The following ZNF567 variants were observed in gnomAD, a reference collection of about 807,000 sequenced individuals.
The protein encoded by ZNF567 is zinc finger protein 567.
A neutral mutation model predicts 53.9 loss-of-function variants in ZNF567; 36 were observed. The ratio of observed to expected loss-of-function variants is 0.67; its 90% confidence interval spans 0.51 to 0.88. The LOEUF (loss-of-function observed/expected upper bound fraction) is 0.88, where lower values mean the gene tolerates loss of function less well. Ranked by LOEUF, ZNF567 falls within the 40% of genes least tolerant of loss-of-function variation. ZNF567 has a pLI of 0.00. For synonymous variants in ZNF567, 224 were observed against 260.4 expected (o/e 0.86, Z 1.35); for missense variants, 619 against 764.7 (o/e 0.81, Z 2.25).
downstream of ZNF567, among the ~76,000 whole-genome samples, chr19:36,726,028 G>C (rs1195310373): frequency 6.6e-6 from 1 of 151,924 alleles, no homozygotes; most frequent in African/African-American, 2.4e-5. Context: ...CTATTGTTCT[G>C]TACTGCAGTT....
intron 3 of ZNF567, among the ~76,000 whole-genome samples, chr19:36,695,513 AGT>A (rs2038839281): frequency 6.6e-6 from 1 of 152,036 alleles, no homozygotes. Flanking sequence ...TGGGTGTCAA[AGT>A]GAGACTCTAT....
At chr19:36,667,916 T>G in the ZNF567 span, among the ~76,000 whole-genome samples, 1 of 151,790 alleles carries the variant, frequency 6.6e-6, no homozygotes, top group Non-Finnish European at 1.5e-5. Context: ...CCCAAAGTGC[T>G]GGATTACAGG....
chr19:36,672,859 G>A, the ZNF567 span, among the ~76,000 whole-genome samples: 3 of 152,174 alleles, frequency 2.0e-5, no homozygotes, highest in African/African-American at 4.8e-5. Context: ...TGAGGAGCTC[G>A]CTTGCTGAGG....
intron 3 of ZNF567, among the ~76,000 whole-genome samples, chr19:36,707,820 C>G (rs1173721863): frequency 6.6e-6 from 1 of 152,198 alleles, no homozygotes; most frequent in Non-Finnish European, 1.5e-5. Context: ...CTCAGGTGAT[C>G]TGCCTGCCTA....
chr19:36,673,999 A>G, the ZNF567 span, among the ~76,000 whole-genome samples: 1 of 152,214 alleles, frequency 6.6e-6, no homozygotes, highest in Non-Finnish European at 1.5e-5. Flanking sequence ...CCCGCTTCAC[A>G]AAGCCATTCC....
the ZNF567 span, among the ~76,000 whole-genome samples, chr19:36,672,689 G>A: frequency 7.2e-5 from 11 of 152,192 alleles, no homozygotes; most frequent in African/African-American, 2.4e-4. Flanking sequence ...ACATTGGATT[G>A]CTTCCATCAT....
downstream of ZNF567, among the ~76,000 whole-genome samples, chr19:36,724,772 T>C (rs1381356790): frequency 2.7e-5 from 4 of 150,190 alleles, no homozygotes; most frequent in Admixed American, 2.0e-4. Context: ...AGCTTAAACC[T>C]GGGAGGCAGA....
rs1360320404 is a variant in ZNF567, at chr19:36,720,118, T to C, written c.1394T>C (p.Val465Ala). Residue 465 changes from valine (V) to alanine (A), a missense_variant, in exon 6 of 6, where the codon GTA becomes GCA. Physicochemically the swap from Val to Ala is moderately conservative, Grantham distance 64 (BLOSUM62 0). Transcript: ENST00000682579. ...TCCTTCCGCCAGAAGACAACCCTTGTAGCACATCAGAGAACACATACAGGG... is the reference window on the plus strand; with the variant it reads ...TCCTTCCGCCAGAAGACAACCCTTGCAGCACATCAGAGAACACATACAGGG... ...GKSFRQKTTLVAHQRTHTGEK... is the reference protein window; with the variant it reads ...GKSFRQKTTLAAHQRTHTGEK... 1 of 1,613,790 alleles carries C rather than the reference T, an allele frequency of 6.2e-7. No individual in the cohort carries two copies. Among genetic ancestry groups the C allele is most frequent in the African/African-American group, 1.3e-5 (1 of 74,916 alleles).
intron 5 of ZNF567, chr19:36,714,537 C>G: frequency 2.5e-6 from 1 of 398,198 alleles, no homozygotes; most frequent in Non-Finnish European, 4.4e-6. Context: ...GTGGTCCTCT[C>G]CTTACTTACT....
intron 3 of ZNF567, among the ~76,000 whole-genome samples, chr19:36,695,447 T>C (rs1462713800): frequency 1.3e-5 from 2 of 152,086 alleles, no homozygotes; most frequent in African/African-American, 4.8e-5. Flanking sequence ...GATAATTGCT[T>C]GAATCCAGGA....
At chr19:36,716,284 T>C (rs1600574354) in intron 5 of ZNF567, among the ~76,000 whole-genome samples, 1 of 152,202 alleles carries the variant, frequency 6.6e-6, no homozygotes, top group African/African-American at 2.4e-5. Context: ...ATCACATAGA[T>C]ACTTTTCATT....
At chr19:36,685,206 TG>T (rs1387097741), upstream of ZNF567, among the ~76,000 whole-genome samples, 1 of 152,100 alleles carries the variant, frequency 6.6e-6, no homozygotes, top group African/African-American at 2.4e-5. Flanking sequence ...GAGAATCCCT[TG>T]AACCTGGGAG....
chr19:36,719,120 T>C lies in ZNF567; in HGVS notation c.396T>C (p.Pro132=), dbSNP rs1383970242. The change falls in exon 6 of 6, where the codon CCT becomes CCC. Residue 132 remains proline, a synonymous_variant. Transcript: ENST00000682579. ...KNPVNSKNLP[P]EYDTHGRILK... is the part of the protein sequence containing the mutation. ...CTGTGAATTCAAAAAATCTACCTCCTGAATATGATACTCATGGAAGGATTT... is the reference window on the plus strand; with the variant it reads ...CTGTGAATTCAAAAAATCTACCTCCCGAATATGATACTCATGGAAGGATTT... 2 of 1,611,748 alleles carry C rather than the reference T, an allele frequency of 1.2e-6. No individual in the cohort carries two copies. Among genetic ancestry groups the C allele is most frequent in the South Asian group, 2.2e-5 (2 of 90,166 alleles).
chr19:36,718,308 G>C (rs2040155544), intron 5 of ZNF567, among the ~76,000 whole-genome samples: 1 of 152,048 alleles, frequency 6.6e-6, no homozygotes, highest in Admixed American at 6.6e-5. Flanking sequence ...GACCAACCTG[G>C]CCAGCATGGT....
the ZNF567 span, among the ~76,000 whole-genome samples, chr19:36,679,151 T>C: frequency 6.6e-6 from 1 of 151,962 alleles, no homozygotes; most frequent in Non-Finnish European, 1.5e-5. Flanking sequence ...CCAGGCATGG[T>C]GGTACGCACC....
At chr19:36,700,785 T>G (rs909457410) in intron 3 of ZNF567, among the ~76,000 whole-genome samples, 43 of 152,336 alleles carry the variant, frequency 2.8e-4, no homozygotes, top group African/African-American at 1.0e-3. Flanking sequence ...TTATCATCTT[T>G]TATTGCGTCT....
chr19:36,717,427 A>G (rs896278659), intron 5 of ZNF567, among the ~76,000 whole-genome samples: 2 of 152,180 alleles, frequency 1.3e-5, no homozygotes, highest in Admixed American at 6.5e-5. Flanking sequence ...TGTGTGCACA[A>G]GTGTGTTATT....
chr19:36,670,385 A>C, the ZNF567 span, among the ~76,000 whole-genome samples: 5 of 152,098 alleles, frequency 3.3e-5, no homozygotes, highest in Non-Finnish European at 5.9e-5. Flanking sequence ...GAAAAATAGT[A>C]ATTTTTTTTA....
intron 3 of ZNF567, among the ~76,000 whole-genome samples, chr19:36,704,470 T>C (rs1309459647): frequency 6.6e-6 from 1 of 152,168 alleles, no homozygotes; most frequent in African/African-American, 2.4e-5. Context: ...TATTGGTTTT[T>C]CACATTATAT....
Sources: allele counts gnomAD v4.1 joint callset (sites outside exome capture counted in the v4.1 genomes callset), GRCh38; gene constraint gnomAD v4.1.1; transcripts MANE v1.5; gene names NCBI Gene and HGNC (gene_info 2026-07-23, HGNC 2026-07-21).